Variants in ABCC5 observed in about 807,000 individuals in gnomAD.
The protein encoded by ABCC5 is ATP-binding cassette sub-family C member 5.
A neutral mutation model predicts 160.9 loss-of-function variants in ABCC5; 61 were observed. The ratio of observed to expected loss-of-function variants is 0.38; its 90% CI spans 0.31 to 0.47. The LOEUF is 0.47. Ranked by LOEUF, ABCC5 falls within the 20% of genes least tolerant of loss-of-function variation. The probability of loss-of-function intolerance (pLI) is 0.99; values close to 1 mark genes in which losing one functional copy is unlikely to be tolerated. For synonymous variants in ABCC5, 666 were observed against 700.6 expected, an observed-to-expected ratio of 0.95 and a Z score of 0.78; for missense variants, 1,308 against 1,813.3, an observed-to-expected ratio of 0.72 and a Z score of 5.06.
chr3:183,940,033 A>G (rs1418589154), intron 25 of ABCC5, among the ~76,000 whole-genome samples: 2 of 152,144 alleles, frequency 1.3e-5, no homozygotes, highest in African/African-American at 4.8e-5. Flanking sequence ...CTAACAGCCT[A>G]ATGGGAACCT....
intron 9 of ABCC5, among the ~76,000 whole-genome samples, chr3:183,978,014 A>G (rs1156494013): frequency 6.6e-6 from 1 of 152,098 alleles, no homozygotes; most frequent in Non-Finnish European, 1.5e-5. Flanking sequence ...CGGCCTCCCA[A>G]AGTGCTGGGA....
At chr3:183,947,053 A>C (rs1020135446) in intron 23 of ABCC5, among the ~76,000 whole-genome samples, 1 of 152,208 alleles carries the variant, frequency 6.6e-6, no homozygotes, top group Non-Finnish European at 1.5e-5. Context: ...TCAAGATCAT[A>C]TTTCTTTTTG....
At chr3:184,000,155 T>A (rs1720630018) in intron 2 of ABCC5, among the ~76,000 whole-genome samples, 1 of 151,758 alleles carries the variant, frequency 6.6e-6, no homozygotes, top group Non-Finnish European at 1.5e-5. Context: ...GCCTAGGAGC[T>A]TGAGACCAGC....
In ABCC5 at chr3:183,949,642, G is replaced by A. The variant is rs1340734355; in HGVS notation, c.3227+111C>T. The A allele has an allele frequency of 1.5e-6, 2 of 1,313,266 alleles. No homozygotes were observed. The highest frequency in any genetic ancestry group is 2.1e-6 in the Non-Finnish European group (2 of 959,762). The allele number at this position is 1,313,266 out of a possible 1,614,324, so 81.4% of individuals were successfully genotyped here. ...ATTCCATTAAATCATGAATACCCTT[G>A]GTAATGAGGTTTATAATCCCCATCT... On this transcript the variant is annotated intron_variant, in intron 22 of 29. Transcript: ENST00000334444. The surrounding 1 kb of genome is among the most constrained non-coding windows in gnomAD (Gnocchi z 4.2).
chr3:184,011,719 CA>C (rs1261886540), intron 2 of ABCC5, among the ~76,000 whole-genome samples: 5 of 152,026 alleles, frequency 3.3e-5, no homozygotes. Context: ...CTCAGCAATA[CA>C]AAGGAAAGAA....
intron 26 of ABCC5, among the ~76,000 whole-genome samples, chr3:183,933,716 T>C (rs1376129577): frequency 6.6e-6 from 1 of 152,206 alleles, no homozygotes; most frequent in Admixed American, 6.5e-5. Flanking sequence ...ATCTGGCCTA[T>C]GATTTAGATT....
intron 10 of ABCC5, among the ~76,000 whole-genome samples, chr3:183,974,333 G>T (rs1014522983): frequency 5.9e-5 from 9 of 152,038 alleles, no homozygotes; most frequent in Non-Finnish European, 1.2e-4. Flanking sequence ...TTTGAGACAG[G>T]ATCTCACTCT....
chr3:183,971,773 T>A lies in ABCC5; in HGVS notation c.1551A>T (p.Lys517Asn). The A allele has an allele frequency of 1.9e-6, 3 of 1,614,206 alleles. No individual in the cohort carries two copies. The highest frequency in any genetic ancestry group is 1.6e-4 in the Middle Eastern group (1 of 6,062). ...QNSPKLTPKM[K>N]KDKRASRGKK... is the part of the protein sequence containing the mutation. ...TGCCCCTGGAAGCCCTCTTGTCTTT[T>A]TTCATTTTGGGGGTCAGCTTGGGCG... The change falls in exon 11 of 30, where the codon AAA becomes AAT. Residue 517 changes from lysine to asparagine, a missense_variant. Transcript: ENST00000334444.
chr3:183,966,560 G>C (rs912315988), intron 12 of ABCC5, among the ~76,000 whole-genome samples: 7 of 152,194 alleles, frequency 4.6e-5, no homozygotes, highest in African/African-American at 1.2e-4. Flanking sequence ...CTAGATGGCA[G>C]AGCAGCACTT....
intron 25 of ABCC5, chr3:183,942,441 T>C: frequency 6.8e-6 from 4 of 586,794 alleles, no homozygotes; most frequent in Non-Finnish European, 1.3e-5. Context: ...ACCAAAATGT[T>C]ACCAGTGCTT....
At chr3:183,927,493 T>A in intron 27 of ABCC5, 50 bp from the exon 28 acceptor site, 3 of 1,563,200 alleles carry the variant, frequency 1.9e-6, no homozygotes, top group Non-Finnish European at 2.6e-6. Context: ...TAAGCTGAAT[T>A]TCCTGAAAAT....
chr3:183,991,776 T>C (rs947343367), intron 2 of ABCC5, among the ~76,000 whole-genome samples: 2 of 152,234 alleles, frequency 1.3e-5, no homozygotes, highest in African/African-American at 4.8e-5. Flanking sequence ...CGGCACTTGA[T>C]AATGAGCTGA....
At position 183,950,030 on chromosome 3, in the gene ABCC5, A is replaced by G; in HGVS notation, c.3040T>C (p.Phe1014Leu). ...VGMIAGVFPW[F>L]LVAVGPLVIL... ...ACAAGGGGCCCCACTGCCACAAGGAACCACGGGAAGACTCCTGCGATCATT... is the reference window on the plus strand; with the variant it reads ...ACAAGGGGCCCCACTGCCACAAGGAGCCACGGGAAGACTCCTGCGATCATT... Residue 1014 changes from phenylalanine (F) to leucine (L), a missense_variant, in exon 21 of 30, where the codon TTC becomes CTC. By Grantham distance (22) the Phe-to-Leu change is conservative. Transcript: ENST00000334444. 6.2e-7 allele frequency: 1 copy of G among 1,614,094 alleles called. No homozygotes were observed. Among genetic ancestry groups the G allele is most frequent in the Non-Finnish European group, 8.5e-7 (1 of 1,180,016 alleles).
intron 17 of ABCC5, among the ~76,000 whole-genome samples, chr3:183,959,192 C>T (rs1716506574): frequency 1.3e-5 from 2 of 152,002 alleles, no homozygotes; most frequent in African/African-American, 2.4e-5. Context: ...CTGTTGATAA[C>T]ATAAAGGGTT....
chr3:183,925,407 G>A (rs910086934), intron 29 of ABCC5, 148 bp downstream of exon 29: 3 of 701,190 alleles, frequency 4.3e-6, no homozygotes, highest in African/African-American at 1.8e-5. Flanking sequence ...TTCGGAGGCT[G>A]TATCCCTCCC....
In ABCC5 at chr3:183,963,687, T is replaced by C. The variant is rs1577544236; in HGVS notation, c.2032-99A>G. ...TCTCTTCTTGCCCACCCAGACCAGC[T>C]CCTTCTGTCAATTCCCCGCAGATGA... On this transcript the variant is annotated intron_variant, in intron 14 of 29. Transcript: ENST00000334444. The surrounding 1 kb of genome is among the most constrained non-coding windows in gnomAD (Gnocchi z 4.6). 2 of 1,118,050 alleles carry C rather than the reference T, an allele frequency of 1.8e-6. No homozygotes were observed. The highest frequency in any genetic ancestry group is 2.6e-6 in the Non-Finnish European group (2 of 780,834). The allele number at this position is 1,118,050 out of a possible 1,614,324, so 69.3% of individuals were successfully genotyped here.
intron 10 of ABCC5, among the ~76,000 whole-genome samples, chr3:183,975,062 T>A (rs1718089905): frequency 6.6e-6 from 1 of 152,230 alleles, no homozygotes; most frequent in Non-Finnish European, 1.5e-5. Context: ...ATCCTTGTTA[T>A]TCTATATTCC....
chr3:183,961,719 T>C (rs1323420482), intron 15 of ABCC5, 65 bp from the exon 16 acceptor site: 18 of 1,590,012 alleles, frequency 1.1e-5, no homozygotes, highest in South Asian at 7.9e-5. Context: ...AACCCATACA[T>C]TAGTTCAGTA....
chr3:183,991,886 GATACACTAAAA>G (rs1719800070), intron 2 of ABCC5, among the ~76,000 whole-genome samples: 1 of 152,158 alleles, frequency 6.6e-6, no homozygotes, highest in Non-Finnish European at 1.5e-5. Flanking sequence ...GAGAGAGAAA[GATACACTAAAA>G]ATACAAGCAC....
Sources: allele counts gnomAD v4.1 joint callset (sites outside exome capture counted in the v4.1 genomes callset), GRCh38; gene constraint gnomAD v4.1.1; non-coding constraint Gnocchi (gnomAD v3.1); transcripts MANE v1.5; gene names NCBI Gene and HGNC (gene_info 2026-07-23, HGNC 2026-07-21).